EXOC4: variants seen among roughly 807,000 people sequenced by gnomAD.
The protein encoded by EXOC4 is exocyst complex component 4, also known as SEC8-like 1.
EXOC4 carries 71 observed loss-of-function variants against 107.2 expected under a neutral mutation model. That is an observed-to-expected ratio of 0.66 (90% CI 0.55 to 0.81). EXOC4 has a LOEUF of 0.81. Ranked by LOEUF, EXOC4 falls within the 30% of genes least tolerant of loss-of-function variation. The pLI is 0.00. For missense variants in EXOC4, 1,108 were observed against 1,189.6 expected, an observed-to-expected ratio of 0.93 and a Z score of 1.01; for synonymous variants, 456 against 441.2, an observed-to-expected ratio of 1.03 and a Z score of -0.42.
At chr7:133,504,138 T>C (rs1465751013) in intron 9 of EXOC4, among the ~76,000 whole-genome samples, 1 of 152,154 alleles carries the variant, frequency 6.6e-6, no homozygotes, top group African/African-American at 2.4e-5. Context: ...TGAAATGATA[T>C]CCTTTTGTAA....
intron 9 of EXOC4, among the ~76,000 whole-genome samples, chr7:133,601,344 T>TATGTATGTGTGTGTAC (rs1315007855): frequency 1.3e-5 from 2 of 152,166 alleles, no homozygotes; most frequent in Non-Finnish European, 2.9e-5. Context: ...TGTATGTATG[T>TATGTATGTGTGTGTAC]ATGTATGTGT....
chr7:133,446,844 T>G (rs892705581), intron 7 of EXOC4, among the ~76,000 whole-genome samples: 2 of 152,310 alleles, frequency 1.3e-5, no homozygotes, highest in South Asian at 4.1e-4. Flanking sequence ...ATTTTGAGGA[T>G]GTAGGGTAAC....
intron 9 of EXOC4, among the ~76,000 whole-genome samples, chr7:133,600,569 A>G (rs1445197678): frequency 3.3e-5 from 5 of 152,226 alleles, no homozygotes; most frequent in Non-Finnish European, 5.9e-5. Flanking sequence ...CAGAACGCCA[A>G]ATAATTAGAA....
rs189255565 is a variant in EXOC4 at position 134,033,569 on chromosome 7, A to T, written c.2687+25734A>T. Among the ~76,000 whole-genome samples the T allele has an allele frequency of 2.0e-5, 3 of 152,252 alleles. No individual in the cohort carries two copies. In the East Asian group the frequency reaches 5.8e-4, roughly 29 times the overall value. On this transcript the variant is annotated intron_variant, in intron 17 of 17. Transcript: ENST00000253861. ...TCTTGCCTATACTTAGAGGCCCAAG[A>T]TCCAATTGGAGTCCGAGGAAAAGAG...
chr7:133,844,885 G>A (rs1378701494), intron 11 of EXOC4, among the ~76,000 whole-genome samples: 2 of 151,916 alleles, frequency 1.3e-5, no homozygotes, highest in African/African-American at 4.8e-5. Flanking sequence ...TCTGAAACAT[G>A]ACCTAAAAAA....
intron 10 of EXOC4, among the ~76,000 whole-genome samples, chr7:133,661,685 AAAAC>A (rs1482370627): frequency 0.14 from 4,695 of 34,306 alleles, 461 homozygotes; most frequent in African/African-American, 0.21. Context: ...AAAAAAAAAA[AAAAC>A]AAAAAAAAAA....
intron 9 of EXOC4, among the ~76,000 whole-genome samples, chr7:133,484,448 T>C (rs578067248): frequency 5.3e-5 from 8 of 152,298 alleles, no homozygotes; most frequent in Admixed American, 4.6e-4. Context: ...CAAGTTTTAA[T>C]GAACATTTTA....
At chr7:133,984,323 C>T (rs1794064882) in intron 14 of EXOC4, among the ~76,000 whole-genome samples, 1 of 152,164 alleles carries the variant, frequency 6.6e-6, no homozygotes, top group African/African-American at 2.4e-5. Flanking sequence ...TTTTGTTTTG[C>T]TCATCAGAAT....
chr7:133,320,018 A>T (rs1443951964), intron 5 of EXOC4, among the ~76,000 whole-genome samples: 2 of 152,144 alleles, frequency 1.3e-5, no homozygotes, highest in African/African-American at 4.8e-5. Context: ...ACAATTTATT[A>T]TCAGTCCCAT....
chr7:133,499,837 G>A (rs989515282), intron 9 of EXOC4, among the ~76,000 whole-genome samples: 1 of 152,100 alleles, frequency 6.6e-6, no homozygotes, highest in Non-Finnish European at 1.5e-5. Context: ...ATTTCCTGGG[G>A]CCTTCCCAGA....
chr7:134,077,923 A>G, the EXOC4 span, among the ~76,000 whole-genome samples: 1 of 152,220 alleles, frequency 6.6e-6, no homozygotes. Context: ...CTCATTCCAT[A>G]AAACAAAGGA....
the EXOC4 span, among the ~76,000 whole-genome samples, chr7:134,097,984 T>C: frequency 6.6e-6 from 1 of 152,048 alleles, no homozygotes; most frequent in South Asian, 2.1e-4. Context: ...TGTGTGAGCA[T>C]GAGACAATGA....
chr7:133,867,497 G>T (rs968320642), intron 11 of EXOC4, among the ~76,000 whole-genome samples: 3 of 152,126 alleles, frequency 2.0e-5, no homozygotes, highest in African/African-American at 7.2e-5. Flanking sequence ...TTTTTAGGGG[G>T]GCATTTCTTG....
At chr7:134,037,124 A>G (rs554063645) in intron 17 of EXOC4, among the ~76,000 whole-genome samples, 18 of 152,328 alleles carry the variant, frequency 1.2e-4, no homozygotes, top group African/African-American at 4.1e-4. Flanking sequence ...AGAGGAATTT[A>G]ATTCTCATTT....
chr7:133,915,903 C>G (rs1799798343), intron 12 of EXOC4, among the ~76,000 whole-genome samples: 1 of 152,098 alleles, frequency 6.6e-6, no homozygotes, highest in Non-Finnish European at 1.5e-5. Flanking sequence ...ATCTGTTTTC[C>G]TCCTGCCTCA....
At chr7:133,467,437 C>T (rs895790355) in intron 7 of EXOC4, among the ~76,000 whole-genome samples, 1 of 152,018 alleles carries the variant, frequency 6.6e-6, no homozygotes, top group African/African-American at 2.4e-5. Flanking sequence ...TGCCCCTAAT[C>T]CCATTTCCTT....
In EXOC4 at chr7:133,414,778, G is replaced by C. The variant is rs1563056828; in HGVS notation, c.1182+39776G>C. 9.9e-5 allele frequency among the ~76,000 whole-genome samples: 15 copies of C among 152,154 alleles called. 1 individual carries two copies. In the South Asian group the frequency reaches 3.1e-3, roughly 32 times the overall value. On this transcript the variant is annotated intron_variant, in intron 7 of 17. Coordinates refer to ENST00000253861, the MANE Select transcript of EXOC4 (RefSeq NM_021807.4). ...TAAACCTTTTTTGAGATATAAGTTTGATACCATACAGTTTACCAATTCAAA... is the reference window on the plus strand; with the variant it reads ...TAAACCTTTTTTGAGATATAAGTTTCATACCATACAGTTTACCAATTCAAA...
At chr7:133,978,047 C>G (rs942768739) in intron 14 of EXOC4, among the ~76,000 whole-genome samples, 5 of 152,196 alleles carry the variant, frequency 3.3e-5, no homozygotes, top group African/African-American at 4.8e-5. Context: ...GTAGCTGAGT[C>G]TCAGCCAGTC....
intron 1 of EXOC4, among the ~76,000 whole-genome samples, chr7:133,261,982 C>G (rs546398938): frequency 6.6e-6 from 1 of 152,302 alleles, no homozygotes; most frequent in South Asian, 2.1e-4. Context: ...TGTGCTGCAG[C>G]TCTTTCCCAT....
Sources: allele counts gnomAD v4.1 joint callset (sites outside exome capture counted in the v4.1 genomes callset), GRCh38; gene constraint gnomAD v4.1.1; transcripts MANE v1.5; gene names NCBI Gene and HGNC (gene_info 2026-07-23, HGNC 2026-07-21).